Variants in TMEM161B observed in about 807,000 individuals in gnomAD.
TMEM161B encodes the protein transmembrane protein 161B.
TMEM161B carries 34 observed loss-of-function variants against 61.8 expected under a neutral mutation model. The ratio of observed to expected loss-of-function variants is 0.55; its 90% CI spans 0.42 to 0.73. The LOEUF (loss-of-function observed/expected upper bound fraction) is 0.73, where lower values mean the gene tolerates loss of function less well. Ranked by LOEUF, TMEM161B falls within the 30% of genes least tolerant of loss-of-function variation. The pLI is 0.00. For synonymous variants in TMEM161B, 167 were observed against 192.8 expected (o/e 0.87, Z 1.11); for missense variants, 456 against 558.5 (o/e 0.82, Z 1.85).
At chr5:88,236,824 T>C (rs1751938752) in intron 2 of TMEM161B, among the ~76,000 whole-genome samples, 1 of 152,062 alleles carries the variant, frequency 6.6e-6, no homozygotes, top group African/African-American at 2.4e-5. Flanking sequence ...TTATAACCTA[T>C]AGGATATATT....
rs922956947 is a variant in TMEM161B at position 88,241,871 on chromosome 5, A to G, written c.4-955T>C. Reference sequence around the variant, plus strand: ...GATACAATCAAATGGGAACCCTCTCACTTCCCACCAATAAGCTCACAAAGT... The same window carrying G: ...GATACAATCAAATGGGAACCCTCTCGCTTCCCACCAATAAGCTCACAAAGT... On this transcript the variant is annotated intron_variant, in intron 1 of 11. Transcript: ENST00000296595. 4.6e-5 allele frequency among the ~76,000 whole-genome samples: 7 copies of G among 151,782 alleles called. No individual in the cohort carries two copies. The East Asian group carries it at 1.2e-3, about 25-fold the overall frequency.
chr5:88,258,903 T>C (rs1755333597), intron 1 of TMEM161B, among the ~76,000 whole-genome samples: 1 of 152,208 alleles, frequency 6.6e-6, no homozygotes, highest in Non-Finnish European at 1.5e-5. Flanking sequence ...AAAGGGCTTC[T>C]AATTACTTAT....
chr5:88,233,607 C>T (rs1274783977), intron 2 of TMEM161B, among the ~76,000 whole-genome samples: 1 of 152,098 alleles, frequency 6.6e-6, no homozygotes, highest in East Asian at 1.9e-4. Flanking sequence ...TTTAAGATCC[C>T]TTTGGTTGTT....
intron 9 of TMEM161B, chr5:88,201,867 A>G (rs1167078874): frequency 5.5e-6 from 1 of 182,326 alleles, no homozygotes; most frequent in African/African-American, 2.3e-5. Context: ...AACTCTAAAA[A>G]GAGAAATTAT....
chr5:88,191,712 CT>C (rs1165021311), downstream of TMEM161B, among the ~76,000 whole-genome samples: 1 of 151,742 alleles, frequency 6.6e-6, no homozygotes, highest in East Asian at 1.9e-4. Context: ...AATCCCAGCA[CT>C]TTGGGAGGCC....
chr5:88,190,341 C>T (rs1561285156), downstream of TMEM161B: 6 of 684,644 alleles, frequency 8.8e-6, no homozygotes, highest in Admixed American at 2.0e-5. Context: ...GGCCTAACAA[C>T]TTTCCAAGTG....
intron 5 of TMEM161B, among the ~76,000 whole-genome samples, chr5:88,207,708 C>T (rs1223025855): frequency 6.6e-6 from 1 of 152,068 alleles, no homozygotes; most frequent in Non-Finnish European, 1.5e-5. Flanking sequence ...ACATGTTCAC[C>T]TATTAAAATA....
At position 88,266,172 on chromosome 5, in the gene TMEM161B, T is replaced by C. The variant is rs183636048; in HGVS notation, c.3+2549A>G. 4.0e-3 allele frequency among the ~76,000 whole-genome samples: 613 copies of C among 152,314 alleles called. 2 individuals carry two copies. The highest frequency in any genetic ancestry group is 6.9e-3 in the Non-Finnish European group (468 of 68,016). ...ACCTTGTTATAGGCACAGGTATCTA[T>C]TGAGTATCGGTATACATAATGTATG... On this transcript the variant is annotated intron_variant, in intron 1 of 11. Transcript: ENST00000296595.
chr5:88,240,064 C>T (rs1752475669), intron 2 of TMEM161B, among the ~76,000 whole-genome samples: 1 of 151,684 alleles, frequency 6.6e-6, no homozygotes, highest in Non-Finnish European at 1.5e-5. Context: ...GTATCTATAC[C>T]TATACTTTTT....
chr5:88,261,648 AG>A (rs1755692021), intron 1 of TMEM161B, among the ~76,000 whole-genome samples: 2 of 147,466 alleles, frequency 1.4e-5, no homozygotes, highest in Admixed American at 6.8e-5. Context: ...CTTTGACAAA[AG>A]GGCACAGGCA....
intron 9 of TMEM161B, chr5:88,199,751 A>C (rs144863267): frequency 6.6e-6 from 1 of 152,178 alleles, no homozygotes; most frequent in South Asian, 2.1e-4. Flanking sequence ...GTGAAAATAC[A>C]TAACGGAAGG....
chr5:88,207,427 G>A (rs1453170232), intron 5 of TMEM161B, among the ~76,000 whole-genome samples: 2 of 152,152 alleles, frequency 1.3e-5, no homozygotes, highest in Non-Finnish European at 2.9e-5. Context: ...TATGTTCTCA[G>A]TGACATGAAA....
At chr5:88,244,584 C>CTTTTTTTT (rs369319062) in intron 1 of TMEM161B, among the ~76,000 whole-genome samples, 1 of 116,022 alleles carries the variant, frequency 8.6e-6, no homozygotes, top group African/African-American at 3.2e-5. Flanking sequence ...TCCAGCTTTG[C>CTTTTTTTT]TTTTTTTTTT....
At chr5:88,215,025 T>C (rs1177093280) in intron 5 of TMEM161B, among the ~76,000 whole-genome samples, 1 of 152,198 alleles carries the variant, frequency 6.6e-6, no homozygotes, top group East Asian at 1.9e-4. Flanking sequence ...CTGTCTTATG[T>C]ATGTCACATA....
chr5:88,190,421 C>T (rs1378666274), downstream of TMEM161B, among the ~76,000 whole-genome samples: 1 of 152,184 alleles, frequency 6.6e-6, no homozygotes, highest in Non-Finnish European at 1.5e-5. Flanking sequence ...TGTGGCACAG[C>T]TACTCTCCCA....
chr5:88,227,963 T>C (rs559552250), intron 3 of TMEM161B, among the ~76,000 whole-genome samples: 7 of 152,196 alleles, frequency 4.6e-5, no homozygotes, highest in Non-Finnish European at 8.8e-5. Flanking sequence ...GGTAGTTCTC[T>C]TCATAAACTT....
chr5:88,260,084 G>A, intron 1 of TMEM161B, among the ~76,000 whole-genome samples: 1 of 152,266 alleles, frequency 6.6e-6, no homozygotes, highest in African/African-American at 2.4e-5. Flanking sequence ...AGATTTAAAT[G>A]AGTCAATATA....
intron 8 of TMEM161B, 138 bp downstream of exon 8, chr5:88,205,676 T>C: frequency 2.1e-6 from 2 of 956,684 alleles, no homozygotes; most frequent in Non-Finnish European, 3.0e-6. Flanking sequence ...TGCTTATAGT[T>C]GAAAGAGGAA....
At chr5:88,240,459 G>A (rs1383292408) in intron 2 of TMEM161B, among the ~76,000 whole-genome samples, 2 of 151,772 alleles carry the variant, frequency 1.3e-5, no homozygotes, top group Admixed American at 1.3e-4. Flanking sequence ...AAAGAAGGTA[G>A]GGGTGGGAGG....
Sources: allele counts gnomAD v4.1 joint callset (sites outside exome capture counted in the v4.1 genomes callset), GRCh38; gene constraint gnomAD v4.1.1; transcripts MANE v1.5; gene names NCBI Gene and HGNC (gene_info 2026-07-23, HGNC 2026-07-21).